NELFA: variants seen among roughly 807,000 people sequenced by gnomAD.
The protein encoded by NELFA is negative elongation factor complex member A, also known as negative elongation factor A.
Under a neutral mutation model 51.8 loss-of-function variants are expected in NELFA, and 35 were observed. That is an observed-to-expected ratio of 0.68 (90% CI 0.52 to 0.90). NELFA has a LOEUF of 0.90. Ranked by LOEUF, NELFA falls within the 40% of genes least tolerant of loss-of-function variation. NELFA has a pLI of 0.00. For missense variants in NELFA, 658 were observed against 746.4 expected, an observed-to-expected ratio of 0.88 and a Z score of 1.38; for synonymous variants, 417 against 338.4, an observed-to-expected ratio of 1.23 and a Z score of -2.55.
Position 1,983,595 on chromosome 4 carries a change from C to A in NELFA, c.1402+1G>T. 1 of 1,613,942 alleles carries A rather than the reference C, an allele frequency of 6.2e-7. No individual in the cohort carries two copies. Among genetic ancestry groups the A allele is most frequent in the Non-Finnish European group, 8.5e-7 (1 of 1,179,954 alleles). On this transcript the variant is annotated splice_donor_variant, in intron 10 of 10. Coordinates refer to ENST00000382882, the MANE Select transcript of NELFA (RefSeq NM_005663.5). LOFTEE classifies it high-confidence loss of function. ...CCCCAGGCCCTGCCTTATGAACATA[C>A]CTCGGGAGCCGGCCATGAAGCCCAG...
intron 1 of NELFA, among the ~76,000 whole-genome samples, chr4:1,994,681 C>G (rs1245980881): frequency 6.6e-6 from 1 of 151,818 alleles, no homozygotes; most frequent in Non-Finnish European, 1.5e-5. Context: ...CAGTGAAACC[C>G]TGCCTCTACT....
chr4:1,987,919 G>T lies in NELFA; in HGVS notation c.633C>A (p.Thr211=). Residue 211 remains threonine, a splice_region_variant and synonymous_variant, in exon 4 of 11, where the codon ACC becomes ACA. Transcript: ENST00000382882. The part of the protein sequence containing the change: ...GRGLLRKMDT[T]TPLKGIPKQA... ...ACGGCACCAGGGTGGGGGCCTTACT[G>T]GTGGTGTCCATCTTCCGCAGCAGCC... 3 of 1,604,262 alleles carry T rather than the reference G, an allele frequency of 1.9e-6. No homozygotes were observed. The highest frequency in any genetic ancestry group is 2.7e-5 in the African/African-American group (2 of 75,014).
chr4:2,000,142 T>C (rs1728532820), intron 1 of NELFA, among the ~76,000 whole-genome samples: 1 of 152,196 alleles, frequency 6.6e-6, no homozygotes, highest in African/African-American at 2.4e-5. Flanking sequence ...GGGAAATTTA[T>C]AGCATTAAAT....
In NELFA at chr4:1,986,307, A is replaced by G. The variant is rs1227715020; in HGVS notation, c.730T>C (p.Ser244Pro). The change falls in exon 5 of 11, where the codon TCC becomes CCC. Residue 244 changes from serine (S) to proline (P), a missense_variant. Ser to Pro is a moderately conservative substitution (Grantham distance 74, BLOSUM62 -1). This residue lies in a region of NELFA where 371 missense variants were observed against 448.3 expected (regional missense o/e 0.83). Transcript: ENST00000382882. Reference protein sequence around the residue: ...PTGNRTPIPPSRTLLRKERGV... With the variant: ...PTGNRTPIPPPRTLLRKERGV... ...CGTTCCTTCCGCAGCAGCGTCCTGG[A>G]AGGCGGGATGGGGGTCCGGTTCCCT... The G allele has an allele frequency of 6.3e-7, 1 of 1,591,556 alleles. No individual in the cohort carries two copies. The highest frequency in any genetic ancestry group is 1.8e-5 in the Admixed American group (1 of 56,878).
In NELFA at chr4:2,004,474, T is replaced by C. The variant is rs373990116; in HGVS notation, c.210+4276A>G. ...AATGGTGAACTACCTGGCATAATTA[T>C]ATGGTACATAAAATAATATCTTTTT... On this transcript the variant is annotated intron_variant, in intron 1 of 10. Transcript: ENST00000382882. Among the ~76,000 whole-genome samples, 418 of 152,248 alleles carry C rather than the reference T, an allele frequency of 2.7e-3. 1 individual carries two copies. Among genetic ancestry groups the C allele is most frequent in the African/African-American group, 9.5e-3 (396 of 41,548 alleles).
intron 7 of NELFA, among the ~76,000 whole-genome samples, 158 bp from the exon 8 acceptor site, chr4:1,985,077 C>T (rs747224328): frequency 9.2e-5 from 14 of 152,288 alleles, no homozygotes; most frequent in African/African-American, 1.2e-4. Flanking sequence ...GGCTAGACAA[C>T]GGGACCCCTG....
At chr4:1,990,047 G>C in intron 2 of NELFA, 178 bp from the exon 3 acceptor site, 1 of 668,672 alleles carries the variant, frequency 1.5e-6, no homozygotes. Flanking sequence ...ACACCCAGGA[G>C]CATTTGCAGA....
chr4:2,007,859 G>A (rs928435223), intron 1 of NELFA: 2 of 408,886 alleles, frequency 4.9e-6, no homozygotes, highest in African/African-American at 2.1e-5. Flanking sequence ...TCAGTAGCCA[G>A]GAACGTTTAA....
intron 7 of NELFA, 48 bp downstream of exon 7, chr4:1,985,728 G>A (rs772210874): frequency 6.7e-7 from 1 of 1,482,620 alleles, no homozygotes. Flanking sequence ...CGGAACAAAA[G>A]GGGCACCCGC....
chr4:1,999,962 A>G (rs1728529977), intron 1 of NELFA, among the ~76,000 whole-genome samples: 1 of 152,242 alleles, frequency 6.6e-6, no homozygotes, highest in Non-Finnish European at 1.5e-5. Context: ...CTCAAGATTA[A>G]GAAACTCACT....
chr4:1,990,003 G>C (rs1728225552), intron 2 of NELFA, 134 bp from the exon 3 acceptor site: 2 of 1,030,988 alleles, frequency 1.9e-6, no homozygotes, highest in Non-Finnish European at 2.8e-6. Context: ...GTCCCCTGAG[G>C]TCCTCGAGAC....
intron 1 of NELFA, among the ~76,000 whole-genome samples, chr4:2,005,932 C>A (rs187582864): frequency 4.8e-4 from 73 of 152,242 alleles, no homozygotes; most frequent in African/African-American, 1.7e-3. Context: ...CCAGAATGAA[C>A]TGCAAGTTCA....
chr4:1,985,820 C>G lies in NELFA; in HGVS notation c.880G>C (p.Glu294Gln). ...EKPAKEETVV[E>Q]NATPDYAAGL... ...GCTGCGTAGTCCGGGGTGGCGTTCT[C>G]CACCACCGTTTCCTCCTTGGCCGGC... The change falls in exon 7 of 11, where the codon GAG becomes CAG. Residue 294 changes from glutamate (E) to glutamine (Q), a missense_variant. By Grantham distance (29) the Glu-to-Gln change is conservative (BLOSUM62 2). Around this residue, in one of 3 missense-constraint regions of NELFA, gnomAD observed 371 missense variants for 448.3 expected, o/e 0.83. Transcript: ENST00000382882. 1.2e-6 allele frequency: 2 copies of G among 1,613,408 alleles called. No individual in the cohort carries two copies. Among genetic ancestry groups the G allele is most frequent in the Non-Finnish European group, 1.7e-6 (2 of 1,179,838 alleles).
intron 1 of NELFA, among the ~76,000 whole-genome samples, chr4:2,006,239 G>A (rs989521751): frequency 3.3e-5 from 5 of 152,198 alleles, no homozygotes; most frequent in Non-Finnish European, 7.3e-5. Context: ...TTCAATCAAC[G>A]TTGGGTGCTG....
chr4:1,986,206 G>A, intron 5 of NELFA, 23 bp from the exon 6 acceptor site: 1 of 1,560,688 alleles, frequency 6.4e-7, no homozygotes. Flanking sequence ...GCACAGCCCT[G>A]CCTTAGTGAC....
At chr4:1,991,884 G>A in intron 1 of NELFA, 169 bp from the exon 2 acceptor site, 1 of 656,502 alleles carries the variant, frequency 1.5e-6, no homozygotes, top group South Asian at 2.0e-5. Context: ...TCACCCCAGG[G>A]CCACCTTGCT....
chr4:1,996,577 G>A (rs976107841), intron 1 of NELFA, among the ~76,000 whole-genome samples: 2 of 152,222 alleles, frequency 1.3e-5, no homozygotes, highest in African/African-American at 2.4e-5. Flanking sequence ...AACATCTGGT[G>A]AGATGGATCA....
intron 8 of NELFA, 117 bp from the exon 9 acceptor site, chr4:1,984,230 G>C: frequency 1.6e-6 from 2 of 1,277,280 alleles, no homozygotes; most frequent in Non-Finnish European, 2.1e-6. Flanking sequence ...CCTCTGACAA[G>C]AACTCCCTGT....
chr4:1,995,486 A>C (rs933979823), intron 1 of NELFA, among the ~76,000 whole-genome samples: 2 of 152,238 alleles, frequency 1.3e-5, no homozygotes, highest in Non-Finnish European at 2.9e-5. Flanking sequence ...ATGTCTTATA[A>C]ACCTTTTTTT....
Sources: allele counts gnomAD v4.1 joint callset (sites outside exome capture counted in the v4.1 genomes callset), GRCh38; gene constraint gnomAD v4.1.1; regional missense constraint gnomAD v4.1.1; transcripts MANE v1.5; gene names NCBI Gene and HGNC (gene_info 2026-07-23, HGNC 2026-07-21).